Variants in KIF7 observed in about 807,000 individuals in gnomAD.
KIF7 encodes kinesin-like protein KIF7.
KIF7 carries 104 observed loss-of-function variants against 135.7 expected under a neutral mutation model. That is an observed-to-expected ratio of 0.77 (90% CI 0.65 to 0.90). The LOEUF (loss-of-function observed/expected upper bound fraction) is 0.90. KIF7 is among the 40% of genes least tolerant of loss of function. The probability of loss-of-function intolerance (pLI) is 0.00; values close to 1 mark genes in which losing one functional copy is unlikely to be tolerated. For missense variants in KIF7, 2,005 were observed against 1,839.1 expected, an observed-to-expected ratio of 1.09 and a Z score of -1.65; for synonymous variants, 883 against 809.4, an observed-to-expected ratio of 1.09 and a Z score of -1.54.
the KIF7 span, among the ~76,000 whole-genome samples, chr15:89,661,103 G>C: frequency 6.6e-6 from 1 of 152,204 alleles, no homozygotes; most frequent in African/African-American, 2.4e-5. Flanking sequence ...TTATGCAACA[G>C]TATCATGGCA....
At chr15:89,630,211 T>G in intron 16 of KIF7, 76 bp downstream of exon 16, 1 of 1,376,434 alleles carries the variant, frequency 7.3e-7, no homozygotes, top group East Asian at 2.3e-5. Flanking sequence ...GGATATCCGC[T>G]GGAGCAGCTG....
At chr15:89,642,058 C>T in intron 11 of KIF7, 145 bp downstream of exon 11, 1 of 839,082 alleles carries the variant, frequency 1.2e-6, no homozygotes, top group East Asian at 2.7e-5. Flanking sequence ...AGCTTCTATA[C>T]CAGCCTCACC....
downstream of KIF7, chr15:89,624,160 C>G (rs1963471315): frequency 6.2e-7 from 1 of 1,613,944 alleles, no homozygotes; most frequent in Admixed American, 1.7e-5. Flanking sequence ...AGCCCAGAAA[C>G]TAAAGGATAA....
intron 6 of KIF7, 143 bp downstream of exon 6, chr15:89,647,453 T>G: frequency 2.6e-6 from 2 of 755,558 alleles, no homozygotes; most frequent in Non-Finnish European, 4.6e-6. Flanking sequence ...CCTCCACACT[T>G]TCGCTCATGT....
upstream of KIF7, among the ~76,000 whole-genome samples, chr15:89,657,600 G>A (rs534678603): frequency 6.6e-6 from 1 of 152,178 alleles, no homozygotes; most frequent in African/African-American, 2.4e-5. Flanking sequence ...ATTAAAAGTA[G>A]CTGATTCCAT....
At chr15:89,639,341 A>G (rs985518931) in intron 11 of KIF7, among the ~76,000 whole-genome samples, 14 of 150,206 alleles carry the variant, frequency 9.3e-5, no homozygotes, top group Non-Finnish European at 1.9e-4. Flanking sequence ...AACTACCATC[A>G]GAGTGAACAG....
downstream of KIF7, chr15:89,623,838 A>G (rs1472233584): frequency 2.5e-6 from 4 of 1,613,922 alleles, no homozygotes; most frequent in Non-Finnish European, 3.4e-6. Flanking sequence ...TCACTCCTCA[A>G]AAACGACATA....
In KIF7 at chr15:89,628,173, C is replaced by T. The variant is rs1298596749; in HGVS notation, c.*246G>A. 3 of 478,230 alleles carry T rather than the reference C, an allele frequency of 6.3e-6. No homozygotes were observed. The highest frequency in any genetic ancestry group is 1.1e-5 in the Non-Finnish European group (3 of 272,942). The allele number at this position is 478,230 out of a possible 1,614,324, so 29.6% of individuals were successfully genotyped here. On this transcript the variant is annotated 3_prime_UTR_variant, in exon 19 of 19. Transcript: ENST00000394412. Reference sequence around the variant, plus strand: ...GAATTGTCCTGAGATTCGAGCAAGACACAAGGCGGCAATTGGGTACCACAG... The same window carrying T: ...GAATTGTCCTGAGATTCGAGCAAGATACAAGGCGGCAATTGGGTACCACAG...
Position 89,628,690 on chromosome 15 carries a change from A to AG in KIF7, c.3760dup (p.Leu1254ProfsTer3), listed in dbSNP as rs747131428. ...CCGGGTGCGGGGGGCCCCCTCAGTG[A>AG]GGGGGGACAGCCAGAGAAGCTCGGG... On this transcript the variant is annotated frameshift_variant, in exon 19 of 19. Coordinates refer to ENST00000394412, the MANE Select transcript of KIF7 (RefSeq NM_198525.3). LOFTEE classifies it low-confidence loss of function (END_TRUNC). The AG allele has an allele frequency of 1.2e-5, 19 of 1,612,550 alleles. No homozygotes were observed. The highest frequency in any genetic ancestry group is 1.1e-5 in the South Asian group (1 of 91,078).
rs777371326 is a variant in KIF7 at position 89,628,206 on chromosome 15, G to GAAGT, written c.*209_*212dup. The GAAGT allele has an allele frequency of 2.7e-4, 144 of 538,716 alleles. No homozygotes were observed. The highest frequency in any genetic ancestry group is 2.5e-3 in the Middle Eastern group (5 of 1,968). 33.4% of individuals were successfully genotyped at this position (538,716 alleles called of 1,614,324 possible). On this transcript the variant is annotated 3_prime_UTR_variant, in exon 19 of 19. Transcript: ENST00000394412. ...GGCAATTGGGTACCACAGCTTCATG[G>GAAGT]AAGTAAGTGGTGGGAATTTGCATAT... is the stretch of plus-strand genomic sequence containing the variant.
chr15:89,626,938 C>T (rs372217618), downstream of KIF7: 1 of 1,612,442 alleles, frequency 6.2e-7, no homozygotes. Context: ...CATGCTAAGC[C>T]TTTCTACCTT....
In KIF7 at chr15:89,632,895, C is replaced by T; in HGVS notation, c.2820G>A (p.Glu940=). 6.2e-7 allele frequency: 1 copy of T among 1,610,582 alleles called. No individual in the cohort carries two copies. The highest frequency in any genetic ancestry group is 8.5e-7 in the Non-Finnish European group (1 of 1,179,890). ...GGGCCTCCTTCTTGGCCAGGATGGCCTCCCGCTTGTGGAGCTCCTCCCCCA... is the reference window on the plus strand; with the variant it reads ...GGGCCTCCTTCTTGGCCAGGATGGCTTCCCGCTTGTGGAGCTCCTCCCCCA... ...EELGEELHKR[E]AILAKKEALM... The change falls in exon 14 of 19, where the codon GAG becomes GAA. Residue 940 remains glutamate (E), a synonymous_variant. Transcript: ENST00000394412.
At chr15:89,645,860 C>G in intron 8 of KIF7, 33 bp downstream of exon 8, 2 of 1,609,868 alleles carry the variant, frequency 1.2e-6, no homozygotes, top group Non-Finnish European at 1.7e-6. Flanking sequence ...CTGAGCAGGT[C>G]CTTGTCAGGT....
chr15:89,625,600 TC>T (rs1567054070), downstream of KIF7: 1 of 1,613,146 alleles, frequency 6.2e-7, no homozygotes, highest in Non-Finnish European at 8.5e-7. Context: ...GGAAGCCTCT[TC>T]CTGGGGACAG....
At chr15:89,628,811 C>A in intron 18 of KIF7, 25 bp from the exon 19 acceptor site, 1 of 1,611,734 alleles carries the variant, frequency 6.2e-7, no homozygotes. Context: ...AACGTGTCCT[C>A]ATCAGAAACA....
Position 89,633,062 on chromosome 15 carries a change from CGAGGTTCACTG to C in KIF7, c.2718+68_2719-67del. ...ACCTCTGGCTGTGTCAGCCGCCACT[CGAGGTTCACTG>C]GGGAGAAAGGTGCACCCACCAGCCA... On this transcript the variant is annotated intron_variant, in intron 13 of 18. Transcript: ENST00000394412. 2.5e-6 allele frequency: 4 copies of C among 1,599,058 alleles called. No homozygotes were observed. The Admixed American group carries it at 6.7e-5, about 27-fold the overall frequency.
At position 89,646,855 on chromosome 15, in the gene KIF7, T is replaced by G. The variant is rs772703638; in HGVS notation, c.1763A>C (p.Glu588Ala). The G allele has an allele frequency of 1.9e-6, 3 of 1,613,818 alleles. No homozygotes were observed. Among genetic ancestry groups the G allele is most frequent in the African/African-American group, 2.7e-5 (2 of 74,860 alleles). ...MVPPACLPGD[E>A]VGSEQRGEQV... is the part of the protein sequence containing the mutation. ...CTCTCCCCTCTGCTCAGAGCCAACT[T>G]CATCTCCAGGGAGGCAGGCAGGCGG... Residue 588 changes from glutamate to alanine, a missense_variant, in exon 7 of 19, where the codon GAA becomes GCA. Transcript: ENST00000394412.
chr15:89,629,305 AGGGCGGGGAAGATGG>A, intron 17 of KIF7, 55 bp downstream of exon 17: 2 of 631,394 alleles, frequency 3.2e-6, no homozygotes, highest in South Asian at 3.6e-5. Context: ...AGGGGGGTGC[AGGGCGGGGAAGATGG>A]GGGTGGGGGG....
chr15:89,636,823 G>C (rs1233529095), intron 11 of KIF7, among the ~76,000 whole-genome samples: 7 of 147,886 alleles, frequency 4.7e-5, no homozygotes, highest in African/African-American at 1.0e-4. Context: ...TCTGCACCAA[G>C]CGGACCTAAT....
Sources: allele counts gnomAD v4.1 joint callset (sites outside exome capture counted in the v4.1 genomes callset), GRCh38; gene constraint gnomAD v4.1.1; transcripts MANE v1.5; gene names NCBI Gene and HGNC (gene_info 2026-07-23, HGNC 2026-07-21).